Variants in SGCZ observed in about 807,000 individuals in gnomAD.
SGCZ encodes the protein zeta-sarcoglycan.
SGCZ carries 40 observed loss-of-function variants against 41.3 expected under a neutral mutation model. That is an observed-to-expected ratio of 0.97 (90% CI 0.75 to 1.26). SGCZ has a LOEUF of 1.26. SGCZ is among the 50% of genes most tolerant of loss of function. The pLI, the probability that SGCZ is intolerant of heterozygous loss-of-function variation, is 0.00. For synonymous variants in SGCZ, 206 were observed against 137.5 expected, an observed-to-expected ratio of 1.50 and a Z score of -3.49; for missense variants, 552 against 369.8, an observed-to-expected ratio of 1.49 and a Z score of -4.04.
chr8:14,266,803 T>G (rs1001242514), intron 3 of SGCZ, among the ~76,000 whole-genome samples: 1 of 152,030 alleles, frequency 6.6e-6, no homozygotes. Context: ...TAAATTATGA[T>G]GAAACTTCAG....
chr8:14,425,805 A>T (rs1026638771), intron 2 of SGCZ, among the ~76,000 whole-genome samples: 2 of 152,152 alleles, frequency 1.3e-5, no homozygotes, highest in Non-Finnish European at 2.9e-5. Context: ...TATAATCCCA[A>T]GCTAATAAAA....
intron 2 of SGCZ, among the ~76,000 whole-genome samples, chr8:14,353,591 C>T (rs1278541976): frequency 6.6e-6 from 1 of 152,050 alleles, no homozygotes; most frequent in African/African-American, 2.4e-5. Flanking sequence ...GAGACTTACC[C>T]TTGATGTCTT....
chr8:14,122,788 T>C (rs929408021), intron 5 of SGCZ, among the ~76,000 whole-genome samples: 9 of 151,666 alleles, frequency 5.9e-5, no homozygotes, highest in African/African-American at 1.9e-4. Context: ...CATTAGAAAC[T>C]CAAATATACT....
intron 1 of SGCZ, among the ~76,000 whole-genome samples, chr8:15,090,215 A>G (rs934651087): frequency 3.3e-5 from 5 of 152,202 alleles, no homozygotes; most frequent in African/African-American, 4.8e-5. Context: ...CAATTTTCCC[A>G]TTTACTCACA....
intron 2 of SGCZ, among the ~76,000 whole-genome samples, chr8:14,509,195 A>G (rs556978218): frequency 1.3e-5 from 2 of 152,262 alleles, no homozygotes; most frequent in East Asian, 3.9e-4. Context: ...AAGCTTCTAA[A>G]CTTAATACCA....
intron 2 of SGCZ, among the ~76,000 whole-genome samples, chr8:14,421,571 A>G (rs1172961953): frequency 8.5e-5 from 13 of 152,124 alleles, no homozygotes; most frequent in Non-Finnish European, 1.8e-4. Flanking sequence ...CAAGGACACA[A>G]TCAACCTATG....
intron 4 of SGCZ, among the ~76,000 whole-genome samples, chr8:14,202,795 G>A (rs1805497280): frequency 6.6e-6 from 1 of 152,082 alleles, no homozygotes; most frequent in Non-Finnish European, 1.5e-5. Context: ...TAAAATAGCA[G>A]AAAAGTGCAT....
intron 1 of SGCZ, among the ~76,000 whole-genome samples, chr8:14,807,085 T>C (rs911836936): frequency 6.6e-6 from 1 of 151,976 alleles, no homozygotes; most frequent in Non-Finnish European, 1.5e-5. Context: ...TATTTCAAAA[T>C]AATAAGAGCT....
intron 1 of SGCZ, among the ~76,000 whole-genome samples, chr8:15,117,969 G>C (rs577252317): frequency 6.6e-6 from 1 of 152,270 alleles, no homozygotes; most frequent in East Asian, 1.9e-4. Context: ...TTTACACCTA[G>C]TGTGCATATA....
intron 1 of SGCZ, among the ~76,000 whole-genome samples, chr8:14,631,187 A>G (rs1806639708): frequency 6.6e-6 from 1 of 152,046 alleles, no homozygotes; most frequent in Non-Finnish European, 1.5e-5. Context: ...TACCACTGGG[A>G]TCCTCCTCAG....
chr8:14,170,496 A>T (rs1804345264), intron 4 of SGCZ, among the ~76,000 whole-genome samples: 1 of 152,148 alleles, frequency 6.6e-6, no homozygotes, highest in African/African-American at 2.4e-5. Flanking sequence ...TGTGATATTC[A>T]TTCCTGGGCC....
chr8:14,949,114 C>T (rs1263349108), intron 1 of SGCZ, among the ~76,000 whole-genome samples: 1 of 152,044 alleles, frequency 6.6e-6, no homozygotes, highest in African/African-American at 2.4e-5. Context: ...ATTTCTCAAC[C>T]AGAAAATCAA....
chr8:14,406,829 T>C (rs1799223679), intron 2 of SGCZ, among the ~76,000 whole-genome samples: 2 of 152,168 alleles, frequency 1.3e-5, no homozygotes, highest in Admixed American at 6.6e-5. Context: ...AGTGCAGCAC[T>C]GATTCTGAGA....
rs546173873 is a variant in SGCZ at position 14,365,860 on chromosome 8, A to G, written c.235-41656T>C. On this transcript the variant is annotated intron_variant, in intron 2 of 7. Transcript: ENST00000382080. ...ACCTTTTCTCTGTATGATTATATTG[A>G]TTTCCTTGTTTTGATACCTGATACT... 1.3e-4 allele frequency among the ~76,000 whole-genome samples: 20 copies of G among 152,090 alleles called. No individual in the cohort carries two copies. The South Asian group carries it at 1.5e-3, about 11-fold the overall frequency.
intron 2 of SGCZ, among the ~76,000 whole-genome samples, chr8:14,343,144 G>A (rs1193732433): frequency 1.3e-5 from 2 of 152,240 alleles, no homozygotes; most frequent in East Asian, 1.9e-4. Flanking sequence ...AATTTCAGAA[G>A]ATGTATGGAA....
chr8:14,486,567 AGTGTGTGTGT>A (rs1014601575), intron 2 of SGCZ, among the ~76,000 whole-genome samples: 4 of 152,068 alleles, frequency 2.6e-5, no homozygotes, highest in Non-Finnish European at 5.9e-5. Context: ...GTGAGTAATG[AGTGTGTGTGT>A]GTGCGCGCGC....
At chr8:14,801,982 T>A (rs1801335249) in intron 1 of SGCZ, among the ~76,000 whole-genome samples, 1 of 152,150 alleles carries the variant, frequency 6.6e-6, no homozygotes, top group African/African-American at 2.4e-5. Context: ...CAAAGCTCAG[T>A]CCTGGGCAGG....
chr8:15,056,341 G>A (rs1201543407), intron 1 of SGCZ, among the ~76,000 whole-genome samples: 1 of 152,078 alleles, frequency 6.6e-6, no homozygotes, highest in Admixed American at 6.6e-5. Context: ...TATTGTGAAT[G>A]TTAATTAGAA....
chr8:14,819,830 C>T (rs776904078), intron 1 of SGCZ, among the ~76,000 whole-genome samples: 1 of 151,728 alleles, frequency 6.6e-6, no homozygotes, highest in Non-Finnish European at 1.5e-5. Flanking sequence ...TATGTTAGCA[C>T]AATAGTAACC....
Sources: allele counts gnomAD v4.1 joint callset (sites outside exome capture counted in the v4.1 genomes callset), GRCh38; gene constraint gnomAD v4.1.1; transcripts MANE v1.5; gene names NCBI Gene and HGNC (gene_info 2026-07-23, HGNC 2026-07-21).